The following ACTR3C variants were observed in gnomAD, a reference collection of about 807,000 sequenced individuals.
ACTR3C encodes actin-related protein 3C.
ACTR3C carries 18 observed loss-of-function variants against 26.3 expected under a neutral mutation model. The ratio of observed to expected loss-of-function variants is 0.68; its 90% CI spans 0.47 to 1.01. The LOEUF is 1.01. Ranked by LOEUF, ACTR3C falls within the 50% of genes least tolerant of loss-of-function variation. The pLI, the probability that ACTR3C is intolerant of heterozygous loss-of-function variation, is 0.00. For synonymous variants in ACTR3C, 55 were observed against 94.5 expected, an observed-to-expected ratio of 0.58 and a Z score of 2.42; for missense variants, 184 against 250.7, an observed-to-expected ratio of 0.73 and a Z score of 1.80.
chr7:149,937,705 T>C, the ACTR3C span, among the ~76,000 whole-genome samples: 145,494 of 152,172 alleles, frequency 0.96, 69,787 homozygotes, highest in South Asian at 1. Context: ...AAGAGAGGTG[T>C]CAGGAACCAC....
At chr7:150,212,651 GAA>G in the ACTR3C span, among the ~76,000 whole-genome samples, 1 of 151,824 alleles carries the variant, frequency 6.6e-6, no homozygotes, top group African/African-American at 2.4e-5. Context: ...TCAGAATGAA[GAA>G]CAATGGTGGA....
At chr7:150,168,735 G>A in the ACTR3C span, among the ~76,000 whole-genome samples, 1 of 150,756 alleles carries the variant, frequency 6.6e-6, no homozygotes, top group Non-Finnish European at 1.5e-5. Flanking sequence ...AAGGGCCTCA[G>A]TGGAAGAGGC....
chr7:149,925,267 T>A, the ACTR3C span, among the ~76,000 whole-genome samples: 1 of 152,178 alleles, frequency 6.6e-6, no homozygotes, highest in African/African-American at 2.4e-5. Context: ...GACTCAGTAT[T>A]ATAAAGATGA....
At chr7:150,086,117 G>A in the ACTR3C span, among the ~76,000 whole-genome samples, 225 of 152,172 alleles carry the variant, frequency 1.5e-3, no homozygotes, top group African/African-American at 5.2e-3. Flanking sequence ...CCAAGTAGCT[G>A]GGACTACACG....
chr7:150,231,212 T>C, the ACTR3C span, among the ~76,000 whole-genome samples: 2 of 152,210 alleles, frequency 1.3e-5, no homozygotes, highest in Non-Finnish European at 2.9e-5. Context: ...TTTAGAATTG[T>C]GTTATTTAAT....
At chr7:150,236,671 A>T in the ACTR3C span, among the ~76,000 whole-genome samples, 2 of 152,130 alleles carry the variant, frequency 1.3e-5, no homozygotes, top group South Asian at 2.1e-4. Context: ...CCTTTGGCAA[A>T]CAATTCCCAC....
At chr7:149,889,039 T>TA in the ACTR3C span, among the ~76,000 whole-genome samples, 703 of 149,444 alleles carry the variant, frequency 4.7e-3, 2 homozygotes, top group African/African-American at 0.016. Context: ...AAAAAGAAAT[T>TA]AAAAAAAAAC....
chr7:150,050,156 G>A, the ACTR3C span, among the ~76,000 whole-genome samples: 1,613 of 152,124 alleles, frequency 0.011, 26 homozygotes, highest in African/African-American at 0.033. Flanking sequence ...GCTATTCACC[G>A]CAGCATCGCG....
the ACTR3C span, among the ~76,000 whole-genome samples, chr7:150,151,825 C>T: frequency 2.2e-5 from 3 of 137,436 alleles, 1 homozygote; most frequent in Non-Finnish European, 4.8e-5. Flanking sequence ...CACATGTATA[C>T]ATATGTACCT....
the ACTR3C span, among the ~76,000 whole-genome samples, chr7:150,172,767 AC>A: frequency 6.6e-6 from 1 of 150,820 alleles, no homozygotes; most frequent in Non-Finnish European, 1.5e-5. Context: ...CAATGGAGGT[AC>A]CAGTATTGGG....
At chr7:150,293,170 A>G in intron 3 of ACTR3C, 142 bp downstream of exon 3, 1 of 1,473,006 alleles carries the variant, frequency 6.8e-7, no homozygotes, top group Non-Finnish European at 9.2e-7. Context: ...AAAATAAAAA[A>G]CTTTTATTAT....
At chr7:150,143,899 G>A in the ACTR3C span, among the ~76,000 whole-genome samples, 3 of 152,224 alleles carry the variant, frequency 2.0e-5, no homozygotes, top group Non-Finnish European at 4.4e-5. Flanking sequence ...GCTGGAACCT[G>A]GGAGGCTTCT....
chr7:150,286,454 C>T lies in ACTR3C; in HGVS notation c.384G>A (p.Thr128=), dbSNP rs550912368. ...VDPQKWIKQY[T]GINAINQKKF... ...TCTTCTGGTTGATCGCATTGATACC[C>T]GTGTACTGTTTGATCCACTTCTGGG... is the stretch of plus-strand genomic sequence containing the variant. The change falls in exon 5 of 8, where the codon ACG becomes ACA. Residue 128 remains threonine (T), a synonymous_variant. Transcript: ENST00000683684. 138 of 1,613,036 alleles carry T rather than the reference C, an allele frequency of 8.6e-5. No homozygotes were observed. In the African/African-American group the frequency reaches 1.5e-3, roughly 17 times the overall value.
intron 6 of ACTR3C, among the ~76,000 whole-genome samples, chr7:150,268,366 T>C (rs1479215570): frequency 1.4e-5 from 2 of 144,684 alleles, no homozygotes; most frequent in East Asian, 2.0e-4. Flanking sequence ...GAAATTCTCA[T>C]GTGAACCAGT....
the ACTR3C span, among the ~76,000 whole-genome samples, chr7:150,131,795 G>A: frequency 1.3e-5 from 2 of 152,346 alleles, no homozygotes; most frequent in South Asian, 4.1e-4. Context: ...TAGCCACAAA[G>A]TGGAAAGAAC....
At chr7:150,033,834 TG>T in the ACTR3C span, among the ~76,000 whole-genome samples, 2 of 116,852 alleles carry the variant, frequency 1.7e-5, no homozygotes, top group African/African-American at 6.8e-5. Context: ...CCCTGCCTCG[TG>T]GGGGGTGCCT....
the ACTR3C span, among the ~76,000 whole-genome samples, chr7:150,081,423 T>C: frequency 6.6e-6 from 1 of 151,712 alleles, no homozygotes; most frequent in African/African-American, 2.4e-5. Context: ...TTTCCTCTTA[T>C]AAACATTTCA....
At chr7:149,996,244 GGA>G in the ACTR3C span, among the ~76,000 whole-genome samples, 1 of 151,882 alleles carries the variant, frequency 6.6e-6, no homozygotes, top group Non-Finnish European at 1.5e-5. Flanking sequence ...AGGGGAGGGA[GGA>G]GAGGAAGGGG....
At chr7:150,275,040 A>G (rs1217533943) in intron 6 of ACTR3C, among the ~76,000 whole-genome samples, 1 of 152,216 alleles carries the variant, frequency 6.6e-6, no homozygotes, top group Non-Finnish European at 1.5e-5. Context: ...TTTAGCCAGA[A>G]AGTATCTGCT....
Sources: allele counts gnomAD v4.1 joint callset (sites outside exome capture counted in the v4.1 genomes callset), GRCh38; gene constraint gnomAD v4.1.1; transcripts MANE v1.5; gene names NCBI Gene and HGNC (gene_info 2026-07-23, HGNC 2026-07-21).